Variants in LPP observed in about 807,000 individuals in gnomAD.
LPP encodes the protein lipoma-preferred partner.
In LPP, 38 loss-of-function variants were observed where a neutral mutation model predicts 60.4. That is an observed-to-expected ratio of 0.63 (90% confidence interval 0.49 to 0.83). The LOEUF (loss-of-function observed/expected upper bound fraction) is 0.83. Among genes scored for constraint, LPP ranks in the 40% least tolerant of loss-of-function variants. The pLI is 0.00. For missense variants in LPP, 902 were observed against 783.6 expected, an observed-to-expected ratio of 1.15 and a Z score of -1.80; for synonymous variants, 328 against 290.8, an observed-to-expected ratio of 1.13 and a Z score of -1.30.
In LPP at chr3:188,300,479, A is replaced by G. The variant is rs534251983; in HGVS notation, c.-66-41184A>G. Among the ~76,000 whole-genome samples, 530 of 126,748 alleles carry G rather than the reference A, an allele frequency of 4.2e-3. 2 individuals are homozygous for G. The highest frequency in any genetic ancestry group is 5.7e-3 in the Non-Finnish European group (355 of 62,010). The allele number at this position is 126,748 out of a possible 152,430, so 83.2% of individuals were successfully genotyped here. ...ATTTTTTTTTTTTTTTTTTTTTGGC[A>G]GTAAAGGAATTTGAAGTATCCAGTT... On this transcript the variant is annotated intron_variant, in intron 2 of 11. Coordinates refer to ENST00000617246, the MANE Select transcript of LPP (RefSeq NM_001375462.1).
At chr3:188,394,551 A>AGT (rs1209092729) in intron 3 of LPP, among the ~76,000 whole-genome samples, 47,145 of 146,818 alleles carry the variant, frequency 0.32, 8,408 homozygotes, top group Middle Eastern at 0.57. Flanking sequence ...AAATATCTAA[A>AGT]GTGTGTGTGT....
At chr3:188,859,333 A>G (rs1764617075) in intron 9 of LPP, among the ~76,000 whole-genome samples, 1 of 152,038 alleles carries the variant, frequency 6.6e-6, no homozygotes, top group Non-Finnish European at 1.5e-5. Context: ...TCCAATCCCA[A>G]CTAGAATAGA....
chr3:188,548,487 T>G (rs899328676), intron 6 of LPP, among the ~76,000 whole-genome samples: 3 of 152,188 alleles, frequency 2.0e-5, no homozygotes, highest in Non-Finnish European at 4.4e-5. Context: ...GAGTTTGACC[T>G]GTTGAGCTGG....
intron 2 of LPP, among the ~76,000 whole-genome samples, chr3:188,329,323 G>A (rs1759342941): frequency 6.6e-6 from 1 of 152,142 alleles, no homozygotes; most frequent in Admixed American, 6.5e-5. Flanking sequence ...GGAATTTAAA[G>A]GTAACTCAAG....
intron 7 of LPP, among the ~76,000 whole-genome samples, chr3:188,695,176 C>T (rs2149514480): frequency 6.6e-6 from 1 of 152,172 alleles, no homozygotes; most frequent in East Asian, 1.9e-4. Context: ...ACTCAGAATA[C>T]CTTATTTATA....
chr3:188,862,256 A>G (rs1765359554), intron 9 of LPP, among the ~76,000 whole-genome samples: 1 of 152,132 alleles, frequency 6.6e-6, no homozygotes, highest in Non-Finnish European at 1.5e-5. Context: ...ACCTCAGACT[A>G]TGGCTTCATG....
intron 4 of LPP, among the ~76,000 whole-genome samples, chr3:188,438,084 G>A (rs1792798571): frequency 6.6e-6 from 1 of 152,080 alleles, no homozygotes; most frequent in Non-Finnish European, 1.5e-5. Context: ...ATCAGTTGTG[G>A]CCCAACTAGA....
intron 4 of LPP, among the ~76,000 whole-genome samples, chr3:188,435,818 G>T (rs896265184): frequency 6.6e-6 from 1 of 152,074 alleles, no homozygotes; most frequent in African/African-American, 2.4e-5. Context: ...CTTCCATTTT[G>T]TCCCTTTCCT....
intron 7 of LPP, among the ~76,000 whole-genome samples, chr3:188,631,779 C>T (rs574797842): frequency 6.6e-6 from 1 of 152,288 alleles, no homozygotes; most frequent in South Asian, 2.1e-4. Flanking sequence ...ATTCCAGGAA[C>T]TCATTCCTAT....
At chr3:188,258,214 G>A (rs548969325) in intron 2 of LPP, among the ~76,000 whole-genome samples, 10 of 152,328 alleles carry the variant, frequency 6.6e-5, no homozygotes, top group Non-Finnish European at 1.3e-4. Flanking sequence ...TGGTCAGTCA[G>A]TTCTTCCCAT....
intron 1 of LPP, among the ~76,000 whole-genome samples, chr3:188,187,119 G>A (rs749181397): frequency 5.9e-5 from 9 of 151,806 alleles, no homozygotes; most frequent in Middle Eastern, 3.2e-3. Context: ...GCATCTCGAG[G>A]GTTTATAATG....
At chr3:188,523,481 A>G (rs1156740295) in intron 5 of LPP, among the ~76,000 whole-genome samples, 1 of 152,212 alleles carries the variant, frequency 6.6e-6, no homozygotes, top group Non-Finnish European at 1.5e-5. Flanking sequence ...GGCATACGGA[A>G]CTAGTGGTCT....
intron 8 of LPP, among the ~76,000 whole-genome samples, chr3:188,731,264 T>C (rs925564): frequency 0.34 from 51,256 of 151,914 alleles, 10,013 homozygotes; most frequent in East Asian, 0.65. Context: ...TTGCATAGAT[T>C]CTAATCTTGG....
At chr3:188,689,398 G>T (rs1861603917) in intron 7 of LPP, among the ~76,000 whole-genome samples, 1 of 152,140 alleles carries the variant, frequency 6.6e-6, no homozygotes, top group Admixed American at 6.5e-5. Context: ...AAATCTTCTT[G>T]GCAGGAAAAG....
At chr3:188,175,674 A>G (rs550611931) in intron 1 of LPP, among the ~76,000 whole-genome samples, 2 of 152,284 alleles carry the variant, frequency 1.3e-5, no homozygotes, top group South Asian at 2.1e-4. Context: ...TATTCCTTCA[A>G]CTGGCTTTAT....
intron 7 of LPP, among the ~76,000 whole-genome samples, chr3:188,632,091 C>T (rs1039788429): frequency 6.6e-6 from 1 of 152,164 alleles, no homozygotes; most frequent in African/African-American, 2.4e-5. Flanking sequence ...ATTTATTTTA[C>T]TCTGGATACT....
chr3:188,379,115 A>G (rs1776157704), intron 3 of LPP, among the ~76,000 whole-genome samples: 2 of 151,996 alleles, frequency 1.3e-5, no homozygotes, highest in South Asian at 4.1e-4. Context: ...CCTAATTTGC[A>G]CAAAAGATAC....
chr3:188,163,325 G>A (rs1261154852), intron 1 of LPP, among the ~76,000 whole-genome samples: 1 of 152,120 alleles, frequency 6.6e-6, no homozygotes, highest in Admixed American at 6.5e-5. Flanking sequence ...GGACAGGGCA[G>A]GGTCACTGAC....
At chr3:188,185,364 ATCT>A (rs1726288107) in intron 1 of LPP, among the ~76,000 whole-genome samples, 1 of 151,964 alleles carries the variant, frequency 6.6e-6, no homozygotes, top group Non-Finnish European at 1.5e-5. Context: ...AGGAACATTA[ATCT>A]TCTTCACTCG....
Sources: gnomAD v4.1 joint callset for allele counts (sites outside exome capture counted in the v4.1 genomes callset) on GRCh38, gnomAD v4.1.1 for gene constraint, MANE v1.5 for transcripts, NCBI Gene and HGNC (gene_info 2026-07-23, HGNC 2026-07-21) for gene names.